RPE65: variants seen among roughly 807,000 people sequenced by gnomAD.
The protein encoded by RPE65 is retinoid isomerohydrolase.
RPE65 carries 58 observed loss-of-function variants against 68.5 expected under a neutral mutation model. The observed-to-expected ratio is 0.85, with a 90% CI of 0.69 to 1.05. The LOEUF is 1.05. Ranked by LOEUF, RPE65 falls within the 50% of genes least tolerant of loss-of-function variation. The pLI, the probability that RPE65 is intolerant of heterozygous loss-of-function variation, is 0.00. For synonymous variants in RPE65, 220 were observed against 222.2 expected, an observed-to-expected ratio of 0.99 and a Z score of 0.09; for missense variants, 643 against 629.9, an observed-to-expected ratio of 1.02 and a Z score of -0.22.
Position 68,429,487 on chromosome 1 carries a change from C to A in RPE65, c.*289G>T. ...TGCTCTTATAATAGGAATTAAAAGC[C>A]ATTTAGTAAGTCCACATTCATTTCC... On this transcript the variant is annotated 3_prime_UTR_variant, in exon 14 of 14. Transcript: ENST00000262340. 1 of 392,684 alleles carries A rather than the reference C, an allele frequency of 2.5e-6. No homozygotes were observed. Among genetic ancestry groups the A allele is most frequent in the Non-Finnish European group, 4.7e-6 (1 of 211,726 alleles). The allele number at this position is 392,684 out of a possible 1,614,324, so 24.3% of individuals were successfully genotyped here.
chr1:68,435,913 T>C (rs1006614571), intron 10 of RPE65, among the ~76,000 whole-genome samples: 6 of 152,216 alleles, frequency 3.9e-5, no homozygotes, highest in African/African-American at 1.4e-4. Context: ...ATGTACCCAC[T>C]GCAACAAATA....
intron 10 of RPE65, among the ~76,000 whole-genome samples, chr1:68,434,089 G>A (rs1413998085): frequency 7.0e-5 from 9 of 128,466 alleles, no homozygotes; most frequent in African/African-American, 2.0e-4. Context: ...GAGGGCATGA[G>A]GGATATATAT....
In RPE65 at chr1:68,439,683, TA is replaced by T. The variant is rs61752893; in HGVS notation, c.644-42del. The T allele has an allele frequency of 2.6e-4, 399 of 1,522,372 alleles. No individual in the cohort carries two copies. In the Middle Eastern group the frequency reaches 0.01, roughly 40 times the overall value. 94.3% of individuals were successfully genotyped at this position (1,522,372 alleles called of 1,614,324 possible). ...TTTAAAAGGCTTTGGAAGAGCCTCTTATTTTTTTTTTAATACAAAGCATTTA... is the reference window on the plus strand; with the variant it reads ...TTTAAAAGGCTTTGGAAGAGCCTCTTTTTTTTTTTTAATACAAAGCATTTA... On this transcript the variant is annotated intron_variant, in intron 6 of 13. Coordinates refer to ENST00000262340, the MANE Select transcript of RPE65 (RefSeq NM_000329.3).
At chr1:68,447,734 A>G (rs1645952670) in intron 2 of RPE65, among the ~76,000 whole-genome samples, 1 of 152,208 alleles carries the variant, frequency 6.6e-6, no homozygotes, top group Admixed American at 6.5e-5. Flanking sequence ...CTGTAGTCCC[A>G]GCTACTTGGA....
chr1:68,438,866 T>C lies in RPE65; in HGVS notation c.998+76A>G, dbSNP rs879008693. The C allele has an allele frequency of 4.5e-6, 7 of 1,559,270 alleles. No homozygotes were observed. In the South Asian group the frequency reaches 7.8e-5, roughly 17 times the overall value. On this transcript the variant is annotated intron_variant, in intron 9 of 13. Transcript: ENST00000262340. ...TGTTTTAGATGTGATTCAGATTGAG[T>C]GCAGCAGCTCTGTAAAAACCCCGTA...
chr1:68,444,921 G>A, intron 3 of RPE65, 38 bp from the exon 4 acceptor site: 1 of 1,580,514 alleles, frequency 6.3e-7, no homozygotes, highest in Non-Finnish European at 8.7e-7. Context: ...GTATAGACAG[G>A]AGCAATCCGT....
intron 10 of RPE65, among the ~76,000 whole-genome samples, chr1:68,435,780 C>G (rs1245830899): frequency 2.6e-5 from 4 of 152,144 alleles, no homozygotes; most frequent in Non-Finnish European, 4.4e-5. Flanking sequence ...TAGCTATTAA[C>G]AAATCAATTT....
At position 68,428,896 on chromosome 1, in the gene RPE65, T is replaced by C. The variant is rs192859862; in HGVS notation, c.*880A>G. ...TTAAAAACAAAAGGCTTAAAATGTA[T>C]TAATACCTCAATGTTAATAATTTAA... On this transcript the variant is annotated 3_prime_UTR_variant, in exon 14 of 14. Transcript: ENST00000262340. The C allele has an allele frequency of 2.0e-5, 3 of 152,274 alleles. No homozygotes were observed. Among genetic ancestry groups the C allele is most frequent in the African/African-American group, 7.2e-5 (3 of 41,588 alleles). 9.4% of individuals were successfully genotyped at this position (152,274 alleles called of 1,614,324 possible). A position where few individuals can be genotyped will look rare whatever the true frequency, so the allele number is the denominator to read the frequency against.
intron 5 of RPE65, among the ~76,000 whole-genome samples, chr1:68,444,172 T>C (rs1420024338): frequency 6.6e-6 from 1 of 152,202 alleles, no homozygotes; most frequent in African/African-American, 2.4e-5. Context: ...ATTTGTGTCA[T>C]GAATGAATGA....
chr1:68,438,196 A>G lies in RPE65; in HGVS notation c.1119T>C (p.Asn373=), dbSNP rs772814035. The G allele has an allele frequency of 5.6e-6, 9 of 1,613,926 alleles. No homozygotes were observed. In the South Asian group the frequency reaches 8.8e-5, roughly 16 times the overall value. The change falls in exon 10 of 14, where the codon AAT becomes AAC. Residue 373 remains asparagine, a synonymous_variant. Coordinates refer to ENST00000262340, the MANE Select transcript of RPE65 (RefSeq NM_000329.3). ...CAGAGAAGCAGGTTACCTTGTCAATATTCAAAGGAAGTACATATCTCCTAA... is the reference window on the plus strand; with the variant it reads ...CAGAGAAGCAGGTTACCTTGTCAATGTTCAAAGGAAGTACATATCTCCTAA... ...PEVRRYVLPL[N]IDKADTGKNL... is the part of the protein sequence containing the mutation.
chr1:68,439,018 GAGA>G lies in RPE65; in HGVS notation c.919_921del (p.Ser307del). 6.2e-7 allele frequency: 1 copy of G among 1,614,082 alleles called. No homozygotes were observed. Among genetic ancestry groups the G allele is most frequent in the Non-Finnish European group, 8.5e-7 (1 of 1,179,958 alleles). ...TTGATGTGATGGAAGAGGTTGAAAG[GAGA>G]AGTTCTGTATTTATTATTGAGGTAC... is the stretch of plus-strand genomic sequence containing the variant. On this transcript the variant is annotated inframe_deletion, in exon 9 of 14. Coordinates refer to ENST00000262340, the MANE Select transcript of RPE65 (RefSeq NM_000329.3).
At position 68,448,700 on chromosome 1, in the gene RPE65, C is replaced by G; in HGVS notation, c.18G>C (p.Glu6Asp). Residue 6 changes from glutamate (E) to aspartate (D), a missense_variant, in exon 2 of 14, where the codon GAG (glutamate) becomes GAC (aspartate). Coordinates refer to ENST00000262340, the MANE Select transcript of RPE65 (RefSeq NM_000329.3). The stretch of plus-strand genomic sequence containing the variant: ...GTTTCTTGTAACCACCAGCAGGATG[C>G]TCAACCCTGAAATGGTGGAAGAATA... MSIQV[E>D]HPAGGYKKLF... is the part of the protein sequence containing the mutation. The G allele has an allele frequency of 4.3e-6, 7 of 1,613,352 alleles. No individual in the cohort carries two copies. Among genetic ancestry groups the G allele is most frequent in the Non-Finnish European group, 5.9e-6 (7 of 1,179,684 alleles).
At chr1:68,446,497 A>T (rs549747830) in intron 3 of RPE65, among the ~76,000 whole-genome samples, 1 of 152,206 alleles carries the variant, frequency 6.6e-6, no homozygotes, top group Non-Finnish European at 1.5e-5. Flanking sequence ...AAAGCCACTC[A>T]TGTTGGACCC....
At chr1:68,448,777 G>T in intron 1 of RPE65, 71 bp from the exon 2 acceptor site, 5 of 1,347,256 alleles carry the variant, frequency 3.7e-6, no homozygotes, top group Non-Finnish European at 5.1e-6. Context: ...AGGCAGAGCT[G>T]CAGGAGAGAA....
chr1:68,431,191 G>C lies in RPE65; in HGVS notation c.1339-15C>G. 1 of 1,612,982 alleles carries C rather than the reference G, an allele frequency of 6.2e-7. No individual in the cohort carries two copies. Among genetic ancestry groups the C allele is most frequent in the Non-Finnish European group, 8.5e-7 (1 of 1,179,206 alleles). ...AGCTTACAGAGCTGTTTGTGAGAAA[G>C]AAAAATCAATCAAGCAATCAGTCAA... On this transcript the variant is annotated splice_polypyrimidine_tract_variant and intron_variant, in intron 12 of 13. Coordinates refer to ENST00000262340, the MANE Select transcript of RPE65 (RefSeq NM_000329.3).
chr1:68,431,261 T>C, intron 12 of RPE65, 21 bp downstream of exon 12: 1 of 1,611,472 alleles, frequency 6.2e-7, no homozygotes, highest in Non-Finnish European at 8.5e-7. Flanking sequence ...TGTTCAAATA[T>C]TAGTAAGAAG....
Position 68,446,880 on chromosome 1 carries a change from G to A in RPE65, c.95-20C>T. 1.9e-6 allele frequency: 3 copies of A among 1,612,788 alleles called. No homozygotes were observed. Among genetic ancestry groups the A allele is most frequent in the Non-Finnish European group, 2.5e-6 (3 of 1,180,014 alleles). On this transcript the variant is annotated intron_variant, in intron 2 of 13. Coordinates refer to ENST00000262340, the MANE Select transcript of RPE65 (RefSeq NM_000329.3). ...TCCTGCCTGTGATGAAGGGGAGACAGAACATTGCTTCTTATCCCTGCCTTG... is the reference window on the plus strand; with the variant it reads ...TCCTGCCTGTGATGAAGGGGAGACAAAACATTGCTTCTTATCCCTGCCTTG...
chr1:68,448,814 G>A, intron 1 of RPE65, 108 bp from the exon 2 acceptor site: 1 of 487,386 alleles, frequency 2.1e-6, no homozygotes, highest in Non-Finnish European at 3.8e-6. Flanking sequence ...CTCAAAGCCT[G>A]TTCACTCCTG....
chr1:68,432,165 A>G (rs1437617820), intron 10 of RPE65, among the ~76,000 whole-genome samples: 1 of 151,994 alleles, frequency 6.6e-6, no homozygotes, highest in African/African-American at 2.4e-5. Flanking sequence ...GATTTTTCTA[A>G]CATATCTACT....
Sources: gnomAD v4.1 joint callset for allele counts (sites outside exome capture counted in the v4.1 genomes callset) on GRCh38, gnomAD v4.1.1 for gene constraint, MANE v1.5 for transcripts, NCBI Gene and HGNC (gene_info 2026-07-23, HGNC 2026-07-21) for gene names.